Variants in PTPN12 observed in about 807,000 individuals in gnomAD.
PTPN12 encodes the protein protein tyrosine phosphatase non-receptor type 12, also known as tyrosine-protein phosphatase non-receptor type 12.
In PTPN12, 29 loss-of-function variants were observed where a neutral mutation model predicts 97.6. The ratio of observed to expected loss-of-function variants is 0.30; its 90% CI spans 0.22 to 0.41. The LOEUF (loss-of-function observed/expected upper bound fraction) is 0.41, where lower values mean the gene tolerates loss of function less well. Among genes scored for constraint, PTPN12 ranks in the 10% least tolerant of loss-of-function variants. PTPN12 has a pLI of 1.00. For synonymous variants in PTPN12, 327 were observed against 300.4 expected (o/e 1.09, Z -0.91); for missense variants, 819 against 926.0 (o/e 0.88, Z 1.50).
chr7:77,577,798 T>C (rs2151326714), intron 2 of PTPN12, among the ~76,000 whole-genome samples: 2 of 152,256 alleles, frequency 1.3e-5, no homozygotes, highest in Non-Finnish European at 2.9e-5. Flanking sequence ...TTAAAAAGGG[T>C]ATTTCTGTGC....
intron 1 of PTPN12, among the ~76,000 whole-genome samples, chr7:77,553,819 A>G (rs368750530): frequency 1.3e-5 from 2 of 149,292 alleles, no homozygotes; most frequent in African/African-American, 2.5e-5. Flanking sequence ...CATATTTGCC[A>G]CTATTTTCTG....
At chr7:77,550,719 A>G (rs977844102) in intron 1 of PTPN12, among the ~76,000 whole-genome samples, 1 of 152,216 alleles carries the variant, frequency 6.6e-6, no homozygotes, top group Non-Finnish European at 1.5e-5. Flanking sequence ...TTGTGGGTAG[A>G]AAAGGACTCT....
At chr7:77,556,404 T>C (rs903296585) in intron 1 of PTPN12, among the ~76,000 whole-genome samples, 3 of 152,090 alleles carry the variant, frequency 2.0e-5, no homozygotes, top group African/African-American at 7.2e-5. Context: ...TTTTGAACTA[T>C]ATCCTGTTTC....
At chr7:77,582,600 A>G (rs925104715) in intron 3 of PTPN12, among the ~76,000 whole-genome samples, 2 of 151,964 alleles carry the variant, frequency 1.3e-5, no homozygotes, top group Admixed American at 1.3e-4. Context: ...CCTGGCCAAC[A>G]TGGGGAAACC....
chr7:77,595,123 G>A (rs1425732668), intron 6 of PTPN12, among the ~76,000 whole-genome samples: 2 of 152,106 alleles, frequency 1.3e-5, no homozygotes, highest in Non-Finnish European at 2.9e-5. Context: ...TAAGTGGTTT[G>A]GTTTGATTTG....
At chr7:77,558,236 A>T (rs1345994526) in intron 1 of PTPN12, among the ~76,000 whole-genome samples, 1 of 151,778 alleles carries the variant, frequency 6.6e-6, no homozygotes, top group Non-Finnish European at 1.5e-5. Context: ...AAGAAAAAGA[A>T]AAAAGAAAGA....
intron 14 of PTPN12, among the ~76,000 whole-genome samples, chr7:77,633,608 CAA>C (rs113736018): frequency 7.5e-6 from 1 of 133,026 alleles, no homozygotes; most frequent in Non-Finnish European, 1.6e-5. Flanking sequence ...GACTCCATCT[CAA>C]AAAAAAAAAA....
chr7:77,559,510 A>C (rs978589879), intron 1 of PTPN12, among the ~76,000 whole-genome samples: 20 of 152,238 alleles, frequency 1.3e-4, no homozygotes, highest in Non-Finnish European at 2.5e-4. Flanking sequence ...AGTGAATCAA[A>C]AAGTGAGTGT....
At position 77,610,944 on chromosome 7, in the gene PTPN12, A is replaced by C. The variant is rs1265544782; in HGVS notation, c.841-4A>C. 2.5e-6 allele frequency: 4 copies of C among 1,599,750 alleles called. No individual in the cohort carries two copies. The highest frequency in any genetic ancestry group is 2.3e-5 in the South Asian group (2 of 88,064). On this transcript the variant is annotated splice_region_variant and splice_polypyrimidine_tract_variant and intron_variant, in intron 10 of 17. Transcript: ENST00000248594. The stretch of plus-strand genomic sequence containing the variant: ...TGTTTTTTAATCATTTTTCTCCTTC[A>C]TAGGAGCAATATGAACTTGTTCATA...
chr7:77,560,511 A>G (rs144706145), intron 1 of PTPN12, among the ~76,000 whole-genome samples: 279 of 152,266 alleles, frequency 1.8e-3, no homozygotes, highest in African/African-American at 6.5e-3. Flanking sequence ...AGAAAGCTAA[A>G]ACTCTGTTCC....
At chr7:77,544,854 T>C (rs537934726) in intron 1 of PTPN12, among the ~76,000 whole-genome samples, 39 of 152,330 alleles carry the variant, frequency 2.6e-4, no homozygotes, top group African/African-American at 9.4e-4. Context: ...GTAAGACAGA[T>C]TTATTCTTCA....
chr7:77,639,331 C>T lies in PTPN12; in HGVS notation c.*51C>T, dbSNP rs1789718079. ...GTTATACTGGAAAATTCAGGTGCCA[C>T]TGAAAGCCAGATTTATAGTATTCCA... On this transcript the variant is annotated 3_prime_UTR_variant, in exon 18 of 18. Coordinates refer to ENST00000248594, the MANE Select transcript of PTPN12 (RefSeq NM_002835.4). 3 of 1,425,408 alleles carry T rather than the reference C, an allele frequency of 2.1e-6. No individual in the cohort carries two copies. In the South Asian group the frequency reaches 3.5e-5, roughly 17 times the overall value. 88.3% of individuals were successfully genotyped at this position (1,425,408 alleles called of 1,614,324 possible).
At chr7:77,571,294 A>G in intron 2 of PTPN12, 108 bp downstream of exon 2, 1 of 657,870 alleles carries the variant, frequency 1.5e-6, no homozygotes, top group Non-Finnish European at 2.6e-6. Flanking sequence ...GTAGTAATTA[A>G]CCTATCTTTC....
In PTPN12 at chr7:77,605,409, GTTTTT is replaced by G. The variant is rs751962814; in HGVS notation, c.696-1802_696-1798del. Among the ~76,000 whole-genome samples, 40 of 95,542 alleles carry G rather than the reference GTTTTT, an allele frequency of 4.2e-4. 4 individuals are homozygous for G. In the East Asian group the frequency reaches 4.4e-3, roughly 11 times the overall value. The allele number at this position is 95,542 out of a possible 152,430, so 62.7% of individuals were successfully genotyped here. Reference sequence around the variant, plus strand: ...TTACTTTAAAATACTTTTGTCATGAGTTTTTTTTTTTTTTTTTTTTTTTTTTTTGA... The same window carrying G: ...TTACTTTAAAATACTTTTGTCATGAGTTTTTTTTTTTTTTTTTTTTTTTGA... On this transcript the variant is annotated intron_variant, in intron 8 of 17. Transcript: ENST00000248594.
intron 1 of PTPN12, among the ~76,000 whole-genome samples, chr7:77,557,961 A>G (rs1807797242): frequency 6.6e-6 from 1 of 152,166 alleles, no homozygotes; most frequent in African/African-American, 2.4e-5. Flanking sequence ...CTGTAATTCT[A>G]GCACTTTGGG....
chr7:77,624,333 C>A (rs984171915), intron 12 of PTPN12, among the ~76,000 whole-genome samples: 4 of 151,834 alleles, frequency 2.6e-5, no homozygotes, highest in Admixed American at 2.6e-4. Context: ...GAGAGTATTG[C>A]TGTCATTTTA....
At chr7:77,590,202 A>G (rs775249790) in intron 5 of PTPN12, among the ~76,000 whole-genome samples, 4 of 152,334 alleles carry the variant, frequency 2.6e-5, no homozygotes, top group Non-Finnish European at 5.9e-5. Flanking sequence ...GATATTTAAC[A>G]CATAGTTTTT....
intron 11 of PTPN12, among the ~76,000 whole-genome samples, chr7:77,612,829 T>G (rs896038393): frequency 2.0e-5 from 3 of 151,300 alleles, no homozygotes; most frequent in African/African-American, 7.3e-5. Context: ...ACTCTGTCAC[T>G]TAGGCTGGAG....
intron 1 of PTPN12, among the ~76,000 whole-genome samples, chr7:77,561,132 A>C: frequency 6.6e-6 from 1 of 151,830 alleles, no homozygotes; most frequent in East Asian, 1.9e-4. Context: ...TGTTGCCCAG[A>C]CTGGTCTTGA....
Sources: gnomAD v4.1 joint callset for allele counts (sites outside exome capture counted in the v4.1 genomes callset) on GRCh38, gnomAD v4.1.1 for gene constraint, MANE v1.5 for transcripts, NCBI Gene and HGNC (gene_info 2026-07-23, HGNC 2026-07-21) for gene names.